PPP2R2D: variants seen among roughly 807,000 people sequenced by gnomAD.
PPP2R2D encodes the protein serine/threonine-protein phosphatase 2A 55 kDa regulatory subunit B delta isoform.
Under a neutral mutation model 31.1 loss-of-function variants are expected in PPP2R2D, and 9 were observed. That is an observed-to-expected ratio of 0.29 (90% CI 0.17 to 0.51). PPP2R2D has a LOEUF of 0.51. PPP2R2D is among the 20% of genes least tolerant of loss of function. The probability of loss-of-function intolerance (pLI) is 0.98; values close to 1 mark genes in which losing one functional copy is unlikely to be tolerated. For missense variants in PPP2R2D, 391 were observed against 465.6 expected, an observed-to-expected ratio of 0.84 and a Z score of 1.48; for synonymous variants, 179 against 172.6, an observed-to-expected ratio of 1.04 and a Z score of -0.29.
chr10:131,924,756 CTT>C (rs1564815303), intron 2 of PPP2R2D, among the ~76,000 whole-genome samples: 1 of 149,384 alleles, frequency 6.7e-6, no homozygotes, highest in East Asian at 1.9e-4. Context: ...TTGTAGAACA[CTT>C]TGGAGATACT....
chr10:131,904,155 G>C (rs2035545133), intron 2 of PPP2R2D, among the ~76,000 whole-genome samples: 1 of 148,110 alleles, frequency 6.8e-6, no homozygotes, highest in African/African-American at 2.5e-5. Flanking sequence ...AGTGAGGCGA[G>C]ATGGTGCCAT....
intron 2 of PPP2R2D, among the ~76,000 whole-genome samples, chr10:131,932,002 T>C (rs1194660526): frequency 6.6e-6 from 1 of 152,032 alleles, no homozygotes; most frequent in Non-Finnish European, 1.5e-5. Context: ...CCCACGTTTG[T>C]TAAAGCTGCT....
intron 8 of PPP2R2D, among the ~76,000 whole-genome samples, chr10:131,948,660 G>A (rs571578381): frequency 3.9e-5 from 6 of 152,314 alleles, no homozygotes; most frequent in East Asian, 1.9e-4. Flanking sequence ...TTGCAGCCCC[G>A]GCTGGCCTCA....
chr10:131,950,519 T>A (rs2036618304), intron 8 of PPP2R2D, among the ~76,000 whole-genome samples: 1 of 151,628 alleles, frequency 6.6e-6, no homozygotes, highest in Admixed American at 6.6e-5. Context: ...GACTCCTTAC[T>A]CTCCACCGCC....
downstream of PPP2R2D, chr10:131,959,937 C>A (rs1042340521): frequency 1.3e-5 from 2 of 152,240 alleles, no homozygotes; most frequent in African/African-American, 4.8e-5. Context: ...GAAGGTGCAG[C>A]CCAGGCGGGT....
At chr10:131,946,459 G>T (rs2036543539) in intron 7 of PPP2R2D, among the ~76,000 whole-genome samples, 1 of 152,166 alleles carries the variant, frequency 6.6e-6, no homozygotes, top group Non-Finnish European at 1.5e-5. Context: ...TGCCTCGGTG[G>T]AATGTGCCCA....
intron 8 of PPP2R2D, among the ~76,000 whole-genome samples, chr10:131,949,166 G>A (rs1005220615): frequency 6.6e-6 from 1 of 152,076 alleles, no homozygotes; most frequent in Non-Finnish European, 1.5e-5. Flanking sequence ...TGAGGTTCCC[G>A]GGTTCTCATG....
At chr10:131,971,302 G>A in the PPP2R2D span, 10 of 328,616 alleles carry the variant, frequency 3.0e-5, no homozygotes, top group Non-Finnish European at 5.7e-5. Flanking sequence ...GTGACATGAG[G>A]GCAAAGATGG....
the PPP2R2D span, among the ~76,000 whole-genome samples, chr10:131,966,283 A>G: frequency 6.6e-6 from 1 of 152,226 alleles, no homozygotes; most frequent in Non-Finnish European, 1.5e-5. Flanking sequence ...CAATGTTTTT[A>G]TATCAGAATC....
chr10:131,958,047 C>T lies in PPP2R2D; in HGVS notation c.*2084C>T, dbSNP rs1362538804. 4.1e-5 allele frequency: 6 copies of T among 147,786 alleles called. No homozygotes were observed. Among genetic ancestry groups the T allele is most frequent in the African/African-American group, 1.2e-4 (4 of 33,982 alleles). 9.2% of individuals were successfully genotyped at this position (147,786 alleles called of 1,614,324 possible). A position where few individuals can be genotyped will look rare whatever the true frequency, so the allele number is the denominator to read the frequency against. The stretch of plus-strand genomic sequence containing the variant: ...CCCCCTGTGGAGATGAAGGTGTGTG[C>T]TGATCCCCCATCCCCATGTGGAGAT... On this transcript the variant is annotated 3_prime_UTR_variant, in exon 9 of 9. Coordinates refer to ENST00000455566, the MANE Select transcript of PPP2R2D (RefSeq NM_018461.5).
At chr10:131,960,232 G>C (rs1554901238), downstream of PPP2R2D, among the ~76,000 whole-genome samples, 1 of 152,212 alleles carries the variant, frequency 6.6e-6, no homozygotes, top group African/African-American at 2.4e-5. Flanking sequence ...GCCCTCAACA[G>C]GTGCGGAGAA....
At chr10:131,965,877 C>G in the PPP2R2D span, among the ~76,000 whole-genome samples, 1 of 152,204 alleles carries the variant, frequency 6.6e-6, no homozygotes, top group Non-Finnish European at 1.5e-5. Flanking sequence ...CCCTTCTCAT[C>G]GCGAGCTCTT....
the PPP2R2D span, chr10:131,970,733 C>A: frequency 6.8e-6 from 11 of 1,614,070 alleles, no homozygotes; most frequent in Middle Eastern, 1.6e-4. This position sits in a 1 kb window ranked among gnomAD's most constrained non-coding sequence, Gnocchi z 4.1. Flanking sequence ...TCATGACGCT[C>A]GTGTTCCTCA....
intron 2 of PPP2R2D, among the ~76,000 whole-genome samples, chr10:131,923,943 A>G (rs782714947): frequency 5.3e-5 from 8 of 152,010 alleles, no homozygotes; most frequent in Non-Finnish European, 1.2e-4. Context: ...AATTTTTGAT[A>G]GAGATTGGGT....
chr10:131,960,220 G>A (rs79811499), downstream of PPP2R2D, among the ~76,000 whole-genome samples: 1,150 of 152,260 alleles, frequency 7.6e-3, 19 homozygotes, highest in African/African-American at 0.026. Context: ...GGAGGAAGAC[G>A]TGCCCTCAAC....
rs947026374 is a variant in PPP2R2D at position 131,903,645 on chromosome 10, A to G, written c.100+2315A>G. 9.4e-4 allele frequency among the ~76,000 whole-genome samples: 143 copies of G among 152,204 alleles called. 1 individual carries two copies. The highest frequency in any genetic ancestry group is 6.8e-3 in the Middle Eastern group (2 of 294). The stretch of plus-strand genomic sequence containing the variant: ...ACATTGCTTTGTGGTAATTATCTGC[A>G]TGTGTTTTGGTTATTCTGTGTATTC... On this transcript the variant is annotated intron_variant, in intron 2 of 8. Coordinates refer to ENST00000455566, the MANE Select transcript of PPP2R2D (RefSeq NM_018461.5).
At chr10:131,904,486 G>A (rs2035551777) in intron 2 of PPP2R2D, among the ~76,000 whole-genome samples, 1 of 152,196 alleles carries the variant, frequency 6.6e-6, no homozygotes, top group African/African-American at 2.4e-5. Context: ...CTCCAGCCTG[G>A]GCGACAGAGC....
intron 2 of PPP2R2D, among the ~76,000 whole-genome samples, chr10:131,903,788 C>T (rs2035539778): frequency 1.3e-5 from 2 of 152,212 alleles, no homozygotes; most frequent in South Asian, 4.1e-4. Flanking sequence ...TGTATTAACA[C>T]CAGAGAGTCA....
intron 2 of PPP2R2D, among the ~76,000 whole-genome samples, chr10:131,922,171 A>G (rs1474014306): frequency 2.6e-5 from 4 of 152,330 alleles, no homozygotes; most frequent in African/African-American, 9.6e-5. Context: ...TGCAAATACT[A>G]ATTTTCCGAG....
Sources: gnomAD v4.1 joint callset for allele counts (sites outside exome capture counted in the v4.1 genomes callset) on GRCh38, gnomAD v4.1.1 for gene constraint, Gnocchi (gnomAD v3.1) non-coding constraint, MANE v1.5 for transcripts, NCBI Gene and HGNC (gene_info 2026-07-23, HGNC 2026-07-21) for gene names.